GPHN: variants seen among roughly 807,000 people sequenced by gnomAD.
GPHN encodes gephyrin.
In GPHN, 17 loss-of-function variants were observed where a neutral mutation model predicts 95.5. That is an observed-to-expected ratio of 0.18 (90% confidence interval 0.12 to 0.27). GPHN has a LOEUF of 0.27. Ranked by LOEUF, GPHN falls within the 10% of genes least tolerant of loss-of-function variation. The pLI, the probability that GPHN is intolerant of heterozygous loss-of-function variation, is 1.00. For synonymous variants in GPHN, 320 were observed against 322.5 expected, an observed-to-expected ratio of 0.99 and a Z score of 0.08; for missense variants, 660 against 978.1, an observed-to-expected ratio of 0.67 and a Z score of 4.34.
At chr14:66,784,330 T>C (rs1397399723) in intron 3 of GPHN, among the ~76,000 whole-genome samples, 1 of 152,100 alleles carries the variant, frequency 6.6e-6, no homozygotes, top group East Asian at 1.9e-4. Flanking sequence ...AAGTTATTCT[T>C]CAAGAATGAA....
the GPHN span, among the ~76,000 whole-genome samples, chr14:67,373,142 G>A: frequency 1.3e-5 from 2 of 152,142 alleles, no homozygotes; most frequent in East Asian, 3.9e-4. Flanking sequence ...AAATTAACAT[G>A]TACTTAATAT....
At chr14:67,443,824 C>T in the GPHN span, among the ~76,000 whole-genome samples, 1 of 152,092 alleles carries the variant, frequency 6.6e-6, no homozygotes, top group South Asian at 2.1e-4. Context: ...AGTTAAGCCT[C>T]TCGTCCTGGA....
chr14:66,840,375 TA>T (rs1189884670), intron 4 of GPHN, among the ~76,000 whole-genome samples: 1 of 152,168 alleles, frequency 6.6e-6, no homozygotes. Flanking sequence ...GTAGCAGCAA[TA>T]TTAACAGTAA....
At chr14:67,289,974 G>A in the GPHN span, among the ~76,000 whole-genome samples, 7 of 151,856 alleles carry the variant, frequency 4.6e-5, no homozygotes, top group East Asian at 9.7e-4. Context: ...GGGTTTCACC[G>A]TGTTCGCCAG....
chr14:67,183,297 T>C (rs1212150996), downstream of GPHN, among the ~76,000 whole-genome samples: 1 of 152,196 alleles, frequency 6.6e-6, no homozygotes, highest in East Asian at 1.9e-4. Context: ...GAGTCTGGCA[T>C]ATGTGCATAT....
At chr14:67,359,705 G>C in the GPHN span, 20 of 1,613,750 alleles carry the variant, frequency 1.2e-5, no homozygotes, top group Non-Finnish European at 1.5e-5. Context: ...ACATTCTGAC[G>C]ATAACTTTTC....
intron 1 of GPHN, among the ~76,000 whole-genome samples, chr14:66,645,053 G>A (rs2064657144): frequency 6.6e-6 from 1 of 152,104 alleles, no homozygotes; most frequent in Non-Finnish European, 1.5e-5. Context: ...AAAGGAGTGT[G>A]TTAGGTTGTT....
At chr14:66,880,330 A>G (rs576392570) in intron 5 of GPHN, among the ~76,000 whole-genome samples, 86 of 149,630 alleles carry the variant, frequency 5.7e-4, no homozygotes, top group Non-Finnish European at 7.7e-4. Context: ...GTCAGCCACA[A>G]TTTTCCCACT....
intron 8 of GPHN, among the ~76,000 whole-genome samples, chr14:66,932,150 A>G (rs1055653544): frequency 2.0e-5 from 3 of 152,188 alleles, no homozygotes; most frequent in Non-Finnish European, 4.4e-5. Context: ...GGTGGTCTTA[A>G]ATAAGATCCA....
chr14:67,201,335 G>C, the GPHN span: 1 of 371,390 alleles, frequency 2.7e-6, no homozygotes, highest in African/African-American at 2.1e-5. Context: ...ATTTAAAAGA[G>C]AGCAATTATC....
chr14:67,442,575 CT>C, the GPHN span, among the ~76,000 whole-genome samples: 2 of 152,190 alleles, frequency 1.3e-5, no homozygotes, highest in Admixed American at 6.5e-5. Flanking sequence ...CCTCTGTGTC[CT>C]GTCCTGGTTC....
intron 1 of GPHN, among the ~76,000 whole-genome samples, chr14:66,644,899 AT>A (rs1189268919): frequency 3.3e-5 from 5 of 152,124 alleles, no homozygotes; most frequent in African/African-American, 1.2e-4. Flanking sequence ...AAATTTTTTT[AT>A]AATTGCATAT....
the GPHN span, among the ~76,000 whole-genome samples, chr14:67,329,078 A>G: frequency 6.6e-6 from 1 of 152,118 alleles, no homozygotes; most frequent in Non-Finnish European, 1.5e-5. Flanking sequence ...CAGTATGGCC[A>G]TTTTCACAAT....
the GPHN span, chr14:67,350,541 C>T: frequency 1.5e-6 from 2 of 1,347,480 alleles, no homozygotes; most frequent in East Asian, 4.7e-5. Context: ...TTAAAAAATG[C>T]TTTTTAAATG....
the GPHN span, chr14:67,395,525 C>T: frequency 1.8e-3 from 2,961 of 1,614,154 alleles, 11 homozygotes; most frequent in Non-Finnish European, 1.7e-3. Flanking sequence ...CCGCTCCTCT[C>T]GAGAACAGGC....
the GPHN span, among the ~76,000 whole-genome samples, chr14:67,256,889 C>A: frequency 6.6e-6 from 1 of 151,672 alleles, no homozygotes; most frequent in Non-Finnish European, 1.5e-5. Flanking sequence ...TTCTTTTTAC[C>A]AAAGAATGTG....
intron 8 of GPHN, among the ~76,000 whole-genome samples, chr14:66,948,296 A>C (rs1458420830): frequency 6.6e-6 from 1 of 152,168 alleles, no homozygotes; most frequent in Non-Finnish European, 1.5e-5. Flanking sequence ...TCCTTGTAAA[A>C]AAAAACAAGC....
the GPHN span, among the ~76,000 whole-genome samples, chr14:67,322,341 C>T: frequency 6.6e-6 from 1 of 152,106 alleles, no homozygotes; most frequent in East Asian, 1.9e-4. Flanking sequence ...GAGTGAGACT[C>T]TGTCTGAAAA....
chr14:66,790,705 C>CG (rs1310902185), intron 3 of GPHN, among the ~76,000 whole-genome samples: 3 of 152,088 alleles, frequency 2.0e-5, no homozygotes, highest in Non-Finnish European at 4.4e-5. Flanking sequence ...TGTGGCAGGG[C>CG]GGGGAGGGTC....
Sources: gnomAD v4.1 joint callset for allele counts (sites outside exome capture counted in the v4.1 genomes callset) on GRCh38, gnomAD v4.1.1 for gene constraint, MANE v1.5 for transcripts, NCBI Gene and HGNC (gene_info 2026-07-23, HGNC 2026-07-21) for gene names.